The following RPL7A variants were observed in gnomAD, a reference collection of about 807,000 sequenced individuals.
RPL7A encodes large ribosomal subunit protein eL8.
For missense variants in RPL7A, 291 were observed against 338.2 expected (o/e 0.86, Z 1.09); for synonymous variants, 158 against 128.2 (o/e 1.23, Z -1.57).
At chr9:133,349,338 C>T (rs1836313096) in intron 2 of RPL7A, 2 of 834,104 alleles carry the variant, frequency 2.4e-6, no homozygotes, top group South Asian at 1.3e-5. Context: ...CTTCGTGGCA[C>T]CTTGGCTTCT....
rs2129985652 is a variant in RPL7A at position 133,349,402 on chromosome 9, T to C, written c.125-149T>C. 5.8e-6 allele frequency: 6 copies of C among 1,027,988 alleles called. No individual in the cohort carries two copies. In the Admixed American group the frequency reaches 8.4e-5, roughly 14 times the overall value. 63.7% of individuals were successfully genotyped at this position (1,027,988 alleles called of 1,614,324 possible). ...TTGTTCTCAGGTGTTTGTGTGCAGATGATGTAAAAGAATATTTGCTATCTG... is the reference window on the plus strand; with the variant it reads ...TTGTTCTCAGGTGTTTGTGTGCAGACGATGTAAAAGAATATTTGCTATCTG... On this transcript the variant is annotated intron_variant, in intron 2 of 7. Coordinates refer to ENST00000323345, the MANE Select transcript of RPL7A (RefSeq NM_000972.3).
intron 1 of RPL7A, 167 bp downstream of exon 1, chr9:133,348,413 G>A (rs1437488991): frequency 1.0e-6 from 1 of 972,570 alleles, no homozygotes; most frequent in Non-Finnish European, 1.6e-6. Context: ...CACTTGGTGT[G>A]GCACGGAGAC....
chr9:133,349,181 C>T, intron 2 of RPL7A, 139 bp downstream of exon 2: 1 of 1,025,620 alleles, frequency 9.8e-7, no homozygotes, highest in Non-Finnish European at 1.5e-6. Context: ...GAGACGGGGG[C>T]AATGATACAT....
chr9:133,348,864 C>T (rs2129981600), intron 1 of RPL7A, 58 bp from the exon 2 acceptor site: 3 of 1,612,852 alleles, frequency 1.9e-6, no homozygotes, highest in Admixed American at 3.3e-5. Context: ...AGCCTGAGCC[C>T]TACCCCCGAC....
At chr9:133,350,813 CT>C (rs2129996285) in intron 6 of RPL7A, 86 bp downstream of exon 6, 1 of 1,582,746 alleles carries the variant, frequency 6.3e-7, no homozygotes, top group African/African-American at 1.3e-5. Context: ...AAAGGCCAAT[CT>C]TTTAGTTTAA....
rs2129998536 is a variant in RPL7A, at chr9:133,351,177, A to G, written c.697-85A>G. 6.8e-4 allele frequency: 1,051 copies of G among 1,541,340 alleles called. 15 individuals carry two copies. The South Asian group carries it at 0.011, about 16-fold the overall frequency. The stretch of plus-strand genomic sequence containing the variant: ...TTCTATCTGACGATCAGCTTGGAAC[A>G]GCCAAACAGAATTAACGCAACTAAT... On this transcript the variant is annotated intron_variant, in intron 7 of 7. Coordinates refer to ENST00000323345, the MANE Select transcript of RPL7A (RefSeq NM_000972.3).
Position 133,350,986 on chromosome 9 carries a change from C to CCCT in RPL7A, c.627-12_627-10dup. The CCCT allele has an allele frequency of 6.2e-7, 1 of 1,613,732 alleles. No homozygotes were observed. The highest frequency in any genetic ancestry group is 8.5e-7 in the Non-Finnish European group (1 of 1,179,806). On this transcript the variant is annotated splice_polypyrimidine_tract_variant and intron_variant, in intron 6 of 7. Coordinates refer to ENST00000323345, the MANE Select transcript of RPL7A (RefSeq NM_000972.3). The stretch of plus-strand genomic sequence containing the variant: ...AAGGCAAAAAACCCACTTTTGTTTC[C>CCCT]CCTCCTGCCTTTTAGGGAAGACAAA...
intron 1 of RPL7A, 191 bp downstream of exon 1, chr9:133,348,437 A>G: frequency 7.6e-6 from 6 of 791,634 alleles, no homozygotes; most frequent in Non-Finnish European, 1.0e-5. Flanking sequence ...GAGATGGACT[A>G]GAGCCCCGGG....
chr9:133,350,511 T>A (rs1193364850), intron 5 of RPL7A, 86 bp from the exon 6 acceptor site: 2 of 1,606,374 alleles, frequency 1.2e-6, no homozygotes, highest in East Asian at 4.5e-5. Context: ...ATCCATGAGC[T>A]TTTTAACCCT....
intron 5 of RPL7A, 89 bp downstream of exon 5, chr9:133,350,408 G>T (rs2129993347): frequency 5.9e-6 from 9 of 1,527,310 alleles, no homozygotes; most frequent in African/African-American, 1.4e-5. Context: ...TGATGGGACC[G>T]AAGTGGGTGA....
chr9:133,349,412 G>A (rs2129985733), intron 2 of RPL7A, 139 bp from the exon 3 acceptor site: 4 of 1,083,848 alleles, frequency 3.7e-6, no homozygotes, highest in Non-Finnish European at 4.3e-6. Context: ...TGATGTAAAA[G>A]AATATTTGCT....
At chr9:133,350,821 T>A in intron 6 of RPL7A, 94 bp downstream of exon 6, 1 of 1,579,278 alleles carries the variant, frequency 6.3e-7, no homozygotes, top group South Asian at 1.1e-5. Flanking sequence ...ATCTTTTAGT[T>A]TAAGAAATAT....
At chr9:133,349,183 A>G (rs1836308484) in intron 2 of RPL7A, 141 bp downstream of exon 2, 9 of 1,019,990 alleles carry the variant, frequency 8.8e-6, no homozygotes, top group Admixed American at 6.1e-5. Context: ...GACGGGGGCA[A>G]TGATACATGC....
chr9:133,350,735 C>T lies in RPL7A; in HGVS notation c.626+8C>T, dbSNP rs2129995693. The T allele has an allele frequency of 3.1e-6, 5 of 1,612,082 alleles. No homozygotes were observed. Among genetic ancestry groups the T allele is most frequent in the South Asian group, 2.2e-5 (2 of 91,056 alleles). ...CTTCACACAGGTGAACTCGTAAGTA[C>T]ACAGCCTGGCCCCAAACTTCCCCCC... is the stretch of plus-strand genomic sequence containing the variant. On this transcript the variant is annotated splice_region_variant and intron_variant, in intron 6 of 7. Coordinates refer to ENST00000323345, the MANE Select transcript of RPL7A (RefSeq NM_000972.3).
Position 133,348,263 on chromosome 9 carries a change from T to G in RPL7A, c.3+17T>G, listed in dbSNP as rs2129977419. 13 of 1,614,066 alleles carry G rather than the reference T, an allele frequency of 8.1e-6. No homozygotes were observed. The highest frequency in any genetic ancestry group is 1.1e-5 in the South Asian group (1 of 91,084). On this transcript the variant is annotated intron_variant, in intron 1 of 7. Transcript: ENST00000323345. ...CCCAAGATGGTGAGTGAGCTGTAGT[T>G]CCGTGGCACTATAGCCAGGTTCCGG... is the stretch of plus-strand genomic sequence containing the variant.
chr9:133,350,574 C>G (rs2129994835), intron 5 of RPL7A, 23 bp from the exon 6 acceptor site: 3 of 1,614,136 alleles, frequency 1.9e-6, no homozygotes, highest in Middle Eastern at 3.3e-4. Context: ...AAAATACAGT[C>G]TTCAGCTAAT....
At chr9:133,350,748 C>T (rs1250596090) in intron 6 of RPL7A, 21 bp downstream of exon 6, 1 of 1,609,860 alleles carries the variant, frequency 6.2e-7, no homozygotes, top group Non-Finnish European at 8.5e-7. Flanking sequence ...AGCCTGGCCC[C>T]AAACTTCCCC....
In RPL7A at chr9:133,349,532, G is replaced by A. The variant is rs2129987033; in HGVS notation, c.125-19G>A. On this transcript the variant is annotated intron_variant, in intron 2 of 7. Transcript: ENST00000323345. ...ACATGGAATTTGAGCCTCACTCGGT[G>A]TCACCCTTTACTTCTCAGGACAGGA... The A allele has an allele frequency of 1.2e-6, 2 of 1,614,056 alleles. No individual in the cohort carries two copies. The highest frequency in any genetic ancestry group is 1.1e-5 in the South Asian group (1 of 91,082).
intron 5 of RPL7A, 74 bp from the exon 6 acceptor site, chr9:133,350,523 A>G: frequency 2.5e-6 from 4 of 1,610,320 alleles, no homozygotes; most frequent in Non-Finnish European, 1.7e-6. Flanking sequence ...TTTAACCCTG[A>G]GCAATTGTTA....
Sources: allele counts gnomAD v4.1 joint callset, GRCh38; gene constraint gnomAD v4.1.1; transcripts MANE v1.5; gene names NCBI Gene and HGNC (gene_info 2026-07-23, HGNC 2026-07-21).